The following MTHFSD variants were observed in gnomAD, a reference collection of about 807,000 sequenced individuals.
MTHFSD encodes the protein methenyltetrahydrofolate synthetase domain containing.
A neutral mutation model predicts 31.1 loss-of-function variants in MTHFSD; 37 were observed. The observed-to-expected ratio is 1.19, with a 90% CI of 0.91 to 1.56. The LOEUF (loss-of-function observed/expected upper bound fraction) is 1.56. Among genes scored for constraint, MTHFSD ranks in the 40% most tolerant of loss-of-function variants. The pLI is 0.00. For synonymous variants in MTHFSD, 221 were observed against 206.9 expected, an observed-to-expected ratio of 1.07 and a Z score of -0.59; for missense variants, 664 against 510.1, an observed-to-expected ratio of 1.30 and a Z score of -2.91.
intron 4 of MTHFSD, among the ~76,000 whole-genome samples, 197 bp from the exon 5 acceptor site, chr16:86,546,846 T>C (rs1351899030): frequency 6.6e-6 from 1 of 152,212 alleles, no homozygotes; most frequent in Non-Finnish European, 1.5e-5. Context: ...CCCCAGTCTC[T>C]TTCCCAGAAA....
At chr16:86,555,053 C>T in intron 1 of MTHFSD, 116 bp downstream of exon 1, 7 of 1,474,950 alleles carry the variant, frequency 4.7e-6, no homozygotes, top group Non-Finnish European at 6.3e-6. Flanking sequence ...TCCTCGGCCG[C>T]TTCCGGTGAT....
At chr16:86,541,570 G>C (rs773107041) in intron 7 of MTHFSD, 127 bp downstream of exon 7, 3 of 1,347,486 alleles carry the variant, frequency 2.2e-6, no homozygotes, top group African/African-American at 1.5e-5. Flanking sequence ...TTGCTCAAAA[G>C]CTCCTTGGGT....
intron 5 of MTHFSD, among the ~76,000 whole-genome samples, chr16:86,546,111 C>T (rs1266134338): frequency 2.0e-5 from 3 of 152,164 alleles, no homozygotes; most frequent in African/African-American, 2.4e-5. Context: ...TCAGGAGTCT[C>T]GGACACACCA....
chr16:86,554,591 T>C (rs1176882309), intron 2 of MTHFSD, 54 bp downstream of exon 2: 22 of 1,298,490 alleles, frequency 1.7e-5, no homozygotes, highest in South Asian at 1.3e-4. Flanking sequence ...ACTAGTGTTA[T>C]TCATTTAAGA....
intron 7 of MTHFSD, among the ~76,000 whole-genome samples, chr16:86,537,965 T>A (rs1291992796): frequency 6.6e-6 from 1 of 152,218 alleles, no homozygotes; most frequent in Non-Finnish European, 1.5e-5. Context: ...TCAGGAGCCA[T>A]GTGCTGATGG....
At chr16:86,554,462 G>A (rs147462427) in intron 2 of MTHFSD, among the ~76,000 whole-genome samples, 183 bp downstream of exon 2, 5 of 152,316 alleles carry the variant, frequency 3.3e-5, no homozygotes, top group African/African-American at 1.2e-4. Flanking sequence ...GGCCCCAGGT[G>A]AAGAGTAAAT....
intron 4 of MTHFSD, 151 bp downstream of exon 4, chr16:86,548,313 G>T: frequency 1.2e-6 from 1 of 838,832 alleles, no homozygotes; most frequent in Non-Finnish European, 1.9e-6. Flanking sequence ...GCTCCATTAA[G>T]GACAGAATTC....
rs531758101 is a variant in MTHFSD, at chr16:86,549,630, T to C, written c.238-1053A>G. On this transcript the variant is annotated intron_variant, in intron 3 of 7. Coordinates refer to ENST00000360900, the MANE Select transcript of MTHFSD (RefSeq NM_001159377.2). ...GCTGCTCATCCTCTGGCTCAGTGGATCTCAGCCTTTAGTGTGCATTAGAAT... is the reference window on the plus strand; with the variant it reads ...GCTGCTCATCCTCTGGCTCAGTGGACCTCAGCCTTTAGTGTGCATTAGAAT... Among the ~76,000 whole-genome samples the C allele has an allele frequency of 2.6e-5, 4 of 152,350 alleles. No homozygotes were observed. The East Asian group carries it at 7.7e-4, about 29-fold the overall frequency.
rs143034335 is a variant in MTHFSD, at chr16:86,547,112, G to A, written c.352-463C>T. ...CAGTGTTGGAATTAAATAACAAAACGTATGCATTTAGCACATAAGACATGG... is the reference window on the plus strand; with the variant it reads ...CAGTGTTGGAATTAAATAACAAAACATATGCATTTAGCACATAAGACATGG... On this transcript the variant is annotated intron_variant, in intron 4 of 7. Transcript: ENST00000360900. 2.8e-4 allele frequency: 261 copies of A among 934,796 alleles called. 1 individual carries two copies. In the African/African-American group the frequency reaches 4.1e-3, roughly 15 times the overall value. The allele number at this position is 934,796 out of a possible 1,614,324, so 57.9% of individuals were successfully genotyped here. A position where few individuals can be genotyped will look rare whatever the true frequency, so the allele number is the denominator to read the frequency against.
intron 4 of MTHFSD, chr16:86,547,245 C>G: frequency 1.0e-6 from 1 of 986,072 alleles, no homozygotes; most frequent in Non-Finnish European, 1.2e-6. Context: ...CCAAAATGTC[C>G]CAAAAGTGTA....
chr16:86,548,613 C>A lies in MTHFSD; in HGVS notation c.238-36G>T. On this transcript the variant is annotated intron_variant, in intron 3 of 7. Coordinates refer to ENST00000360900, the MANE Select transcript of MTHFSD (RefSeq NM_001159377.2). Reference sequence around the variant, plus strand: ...AAAGACAATCAATAAATTACAAAATCAAATTATTCCATAGGACTTTCTTAT... The same window carrying A: ...AAAGACAATCAATAAATTACAAAATAAAATTATTCCATAGGACTTTCTTAT... 2.0e-6 allele frequency: 3 copies of A among 1,505,184 alleles called. No individual in the cohort carries two copies. In the South Asian group the frequency reaches 3.6e-5, roughly 18 times the overall value. The allele number at this position is 1,505,184 out of a possible 1,614,324, so 93.2% of individuals were successfully genotyped here. A position where few individuals can be genotyped will look rare whatever the true frequency, so the allele number is the denominator to read the frequency against.
rs769441082 is a variant in MTHFSD at position 86,541,160 on chromosome 16, C to T, written c.681+537G>A. On this transcript the variant is annotated intron_variant, in intron 7 of 7. Transcript: ENST00000360900. ...CAGGCTGATTTGCAGGGTCAAACTC[C>T]TACTGCAGACTAATTTGCAACCTGT... 87 of 1,288,986 alleles carry T rather than the reference C, an allele frequency of 6.7e-5. No individual in the cohort carries two copies. The African/African-American group carries it at 1.1e-3, about 17-fold the overall frequency. The allele number at this position is 1,288,986 out of a possible 1,614,324, so 79.8% of individuals were successfully genotyped here.
At position 86,532,427 on chromosome 16, in the gene MTHFSD, C is replaced by T; in HGVS notation, c.736G>A (p.Glu246Lys). 1 of 1,481,270 alleles carries T rather than the reference C, an allele frequency of 6.8e-7. No homozygotes were observed. Among genetic ancestry groups the T allele is most frequent in the Non-Finnish European group, 9.0e-7 (1 of 1,115,132 alleles). The allele number at this position is 1,481,270 out of a possible 1,614,324, so 91.8% of individuals were successfully genotyped here. A position where few individuals can be genotyped will look rare whatever the true frequency, so the allele number is the denominator to read the frequency against. Residue 246 changes from glutamate (E) to lysine (K), a missense_variant, in exon 8 of 8, where the codon GAG becomes AAG. Transcript: ENST00000360900. ...GTGACATCCTTCCCAGCCTGCTGCTCTCGGGCGCGGAGGCTCCTCAGTATG... is the reference window on the plus strand; with the variant it reads ...GTGACATCCTTCCCAGCCTGCTGCTTTCGGGCGCGGAGGCTCCTCAGTATG... ...IPILRSLRAREQQAGKDVTLQ... is the reference protein window; with the variant it reads ...IPILRSLRARKQQAGKDVTLQ...
intron 7 of MTHFSD, among the ~76,000 whole-genome samples, chr16:86,535,946 C>T (rs1970633616): frequency 6.6e-6 from 1 of 152,136 alleles, no homozygotes; most frequent in Non-Finnish European, 1.5e-5. Context: ...GAATACCCAG[C>T]TCCAAGTAAT....
At chr16:86,540,326 C>T (rs1020461419) in intron 7 of MTHFSD, among the ~76,000 whole-genome samples, 1 of 152,200 alleles carries the variant, frequency 6.6e-6, no homozygotes, top group Non-Finnish European at 1.5e-5. Flanking sequence ...TGCCCTCCCT[C>T]CCCCACAGTG....
intron 7 of MTHFSD, among the ~76,000 whole-genome samples, chr16:86,536,354 A>G (rs1970692001): frequency 6.6e-6 from 1 of 152,228 alleles, no homozygotes; most frequent in Non-Finnish European, 1.5e-5. Flanking sequence ...TGCCTTCCGT[A>G]AACATAAACG....
intron 3 of MTHFSD, among the ~76,000 whole-genome samples, chr16:86,551,674 AT>A (rs1973166218): frequency 6.6e-6 from 1 of 152,180 alleles, no homozygotes; most frequent in Admixed American, 6.5e-5. Flanking sequence ...TAGCATGCTC[AT>A]TTCAAATGGC....
At chr16:86,547,765 G>A (rs1001411315) in intron 4 of MTHFSD, among the ~76,000 whole-genome samples, 6 of 151,898 alleles carry the variant, frequency 4.0e-5, no homozygotes, top group Non-Finnish European at 8.8e-5. Flanking sequence ...ACAATGAAAC[G>A]TTCCAGTTTT....
intron 7 of MTHFSD, among the ~76,000 whole-genome samples, chr16:86,534,280 A>T (rs1309167919): frequency 6.6e-6 from 1 of 152,212 alleles, no homozygotes; most frequent in Non-Finnish European, 1.5e-5. Flanking sequence ...GCAGTATCAT[A>T]CCAGCTCTGA....
Sources: allele counts gnomAD v4.1 joint callset (sites outside exome capture counted in the v4.1 genomes callset), GRCh38; gene constraint gnomAD v4.1.1; transcripts MANE v1.5; gene names NCBI Gene and HGNC (gene_info 2026-07-23, HGNC 2026-07-21).